OTOG: variants seen among roughly 807,000 people sequenced by gnomAD.
The protein encoded by OTOG is otogelin.
A neutral mutation model predicts 313.8 loss-of-function variants in OTOG; 296 were observed. The observed-to-expected ratio is 0.94, with a 90% CI of 0.86 to 1.04. The LOEUF is 1.04. Among genes scored for constraint, OTOG ranks in the 50% least tolerant of loss-of-function variants. The probability of loss-of-function intolerance (pLI) is 0.00; values close to 1 mark genes in which losing one functional copy is unlikely to be tolerated. For synonymous variants in OTOG, 1,533 were observed against 1,554.9 expected (o/e 0.99, Z 0.33); for missense variants, 3,948 against 3,840.1 (o/e 1.03, Z -0.74).
intron 19 of OTOG, 86 bp downstream of exon 19, chr11:17,573,376 G>C (rs1302425582): frequency 2.2e-6 from 3 of 1,356,306 alleles, no homozygotes; most frequent in East Asian, 5.1e-5. Flanking sequence ...TCTCCACTGG[G>C]ATGCCCTCCA....
At chr11:17,562,111 A>G (rs1290511689) in intron 15 of OTOG, among the ~76,000 whole-genome samples, 2 of 147,906 alleles carry the variant, frequency 1.4e-5, no homozygotes, top group Admixed American at 1.4e-4. Context: ...CCTACTTTTA[A>G]ATCCATTAAT....
intron 18 of OTOG, 149 bp downstream of exon 18, chr11:17,572,353 A>G (rs751755207): frequency 2.3e-5 from 27 of 1,153,254 alleles, no homozygotes; most frequent in Admixed American, 5.2e-5. Flanking sequence ...AGGGGAAAGG[A>G]GAGACAGTGA....
Position 17,605,958 on chromosome 11 carries a change from A to G in OTOG, c.3979A>G (p.Thr1327Ala), listed in dbSNP as rs1853375076. ...GCTGGCTAAGTGGCAGGGCCGTGAC[A>G]CCTTCCAACAGCATGCCTCCTTCTT... Reference protein sequence around the residue: ...LELAKWQGRDTFQQHASFLLH... With the variant: ...LELAKWQGRDAFQQHASFLLH... The change falls in exon 33 of 56, where the codon ACC becomes GCC. Residue 1327 changes from threonine (T) to alanine (A), a missense_variant. Transcript: ENST00000399397. 1.9e-6 allele frequency: 3 copies of G among 1,550,564 alleles called. No individual in the cohort carries two copies. Among genetic ancestry groups the G allele is most frequent in the Non-Finnish European group, 2.6e-6 (3 of 1,146,966 alleles).
Position 17,612,198 on chromosome 11 carries a change from C to T in OTOG, c.6160C>T (p.Leu2054=), listed in dbSNP as rs1853573063. The change falls in exon 37 of 56, where the codon CTG becomes TTG. Residue 2054 remains leucine (L), a synonymous_variant. Transcript: ENST00000399397. ...AEQDCVRHIC[L]EGQLIRVNQS... ...GCAGGACTGCGTCCGCCACATCTGC[C>T]TGGAGGGCCAGCTGATTCGCGTGAA... The T allele has an allele frequency of 1.3e-6, 2 of 1,549,896 alleles. No individual in the cohort carries two copies. Among genetic ancestry groups the T allele is most frequent in the Non-Finnish European group, 8.7e-7 (1 of 1,147,010 alleles).
chr11:17,614,635 C>T (rs1225981226), intron 39 of OTOG, among the ~76,000 whole-genome samples: 1 of 152,100 alleles, frequency 6.6e-6, no homozygotes, highest in African/African-American at 2.4e-5. Context: ...TGCCCGCTGC[C>T]CCTATAGTTA....
intron 53 of OTOG, 37 bp from the exon 54 acceptor site, chr11:17,643,424 C>G: frequency 7.2e-7 from 1 of 1,397,762 alleles, no homozygotes; most frequent in East Asian, 2.9e-5. Flanking sequence ...ACAGGGGTCT[C>G]CACACCTACC....
Position 17,612,638 on chromosome 11 carries a change from C to T in OTOG, c.6311C>T (p.Pro2104Leu), listed in dbSNP as rs397514607. The change falls in exon 38 of 56, where the codon CCT (proline) becomes CTT (leucine). Residue 2104 changes from proline to leucine, a missense_variant. By Grantham distance (98) the Pro-to-Leu change is moderately conservative. Transcript: ENST00000399397. ...WECACRCSIF[P>L]DLSFVTFDGS... Reference sequence around the variant, plus strand: ...CCCCCAGGCCGGTGCTCAATCTTCCCTGACCTGAGCTTCGTGACCTTCGAT... The same window carrying T: ...CCCCCAGGCCGGTGCTCAATCTTCCTTGACCTGAGCTTCGTGACCTTCGAT... 6.4e-7 allele frequency: 1 copy of T among 1,550,616 alleles called. No homozygotes were observed. Among genetic ancestry groups the T allele is most frequent in the Non-Finnish European group, 8.7e-7 (1 of 1,146,964 alleles).
chr11:17,615,928 A>G (rs1853707775), intron 39 of OTOG, among the ~76,000 whole-genome samples: 1 of 150,718 alleles, frequency 6.6e-6, no homozygotes, highest in African/African-American at 2.4e-5. Context: ...AACTGTCTCA[A>G]AAAAAAAAAT....
intron 23 of OTOG, among the ~76,000 whole-genome samples, chr11:17,578,849 C>T (rs1048986063): frequency 6.6e-6 from 1 of 152,198 alleles, no homozygotes; most frequent in Non-Finnish European, 1.5e-5. Context: ...GTGTCTGGCA[C>T]GCTGGGCACT....
At position 17,641,034 on chromosome 11, in the gene OTOG, C is replaced by G. The variant is rs752920776; in HGVS notation, c.8133C>G (p.Leu2711=). Residue 2711 remains leucine (L), a synonymous_variant, in exon 51 of 56, where the codon CTC becomes CTG. Coordinates refer to ENST00000399397, the MANE Select transcript of OTOG (RefSeq NM_001292063.2). The stretch of plus-strand genomic sequence containing the variant: ...GCTGCACCACCGTGCTCGACCCTCT[C>G]ACCAACTTCTACCAGATCAACACCA... ...TSRCTTVLDP[L]TNFYQINTTS... is the part of the protein sequence containing the mutation. 7.9e-5 allele frequency: 122 copies of G among 1,546,744 alleles called. No homozygotes were observed. Among genetic ancestry groups the G allele is most frequent in the Non-Finnish European group, 1.0e-4 (120 of 1,146,486 alleles).
intron 23 of OTOG, among the ~76,000 whole-genome samples, chr11:17,585,292 A>G (rs1183558319): frequency 6.6e-6 from 1 of 152,230 alleles, no homozygotes; most frequent in Admixed American, 6.5e-5. Flanking sequence ...TTATTCACTT[A>G]ACATCGTACA....
rs142253169 is a variant in OTOG, at chr11:17,569,211, G to A, written c.1700G>A (p.Arg567Gln). 160 of 1,550,582 alleles carry A rather than the reference G, an allele frequency of 1.0e-4. 1 individual carries two copies. In the African/African-American group the frequency reaches 1.5e-3, roughly 15 times the overall value. ...TCAGTGATTCTGCACCAGGACCCTC[G>A]GAGGCAGGTGACCCTGACCCAGGCA... ...SVSVILHQDP[R>Q]RQVTLTQAGD... Residue 567 changes from arginine to glutamine, a missense_variant, in exon 16 of 56, where the codon CGG becomes CAG. Physicochemically the swap from Arg to Gln is conservative, Grantham distance 43. Coordinates refer to ENST00000399397, the MANE Select transcript of OTOG (RefSeq NM_001292063.2).
chr11:17,588,506 T>C (rs11024330), intron 24 of OTOG, among the ~76,000 whole-genome samples: 22,576 of 152,132 alleles, frequency 0.15, 1,827 homozygotes, highest in Non-Finnish European at 0.19. Context: ...TTGTAGGTCA[T>C]GTAGGTGGGT....
chr11:17,587,260 G>A (rs1447505623), intron 24 of OTOG, among the ~76,000 whole-genome samples: 1 of 152,230 alleles, frequency 6.6e-6, no homozygotes, highest in African/African-American at 2.4e-5. Context: ...GGATTCTGTG[G>A]AAACAGACTC....
At chr11:17,612,441 C>G (rs1047174265) in intron 37 of OTOG, 111 bp downstream of exon 37, 63 of 1,417,408 alleles carry the variant, frequency 4.4e-5, no homozygotes, top group Admixed American at 2.7e-4. Context: ...GGACCCCGAC[C>G]TGGCAGATTT....
chr11:17,578,349 C>A (rs913505556), intron 22 of OTOG, 24 bp from the exon 23 acceptor site: 1 of 1,470,274 alleles, frequency 6.8e-7, no homozygotes, highest in Non-Finnish European at 9.0e-7. Context: ...CCAGGGCCTC[C>A]GCTCCCATCT....
Position 17,610,408 on chromosome 11 carries a change from C to T in OTOG, c.5108C>T (p.Ala1703Val). 6.4e-7 allele frequency: 1 copy of T among 1,550,520 alleles called. No individual in the cohort carries two copies. The highest frequency in any genetic ancestry group is 8.7e-7 in the Non-Finnish European group (1 of 1,146,930). ...ACCCCTCTAACTGTGGCTGGAACAG[C>T]AGCAGAACAGGTTCCTGTCAGTCCC... ...PSTPLTVAGT[A>V]AEQVPVSPLA... The change falls in exon 36 of 56, where the codon GCA becomes GTA. Residue 1703 changes from alanine (A) to valine (V), a missense_variant. Physicochemically the swap from Ala to Val is moderately conservative, Grantham distance 64. Coordinates refer to ENST00000399397, the MANE Select transcript of OTOG (RefSeq NM_001292063.2).
Position 17,604,665 on chromosome 11 carries a change from G to A in OTOG, c.3878-1192G>A, listed in dbSNP as rs76380219. Among the ~76,000 whole-genome samples, 1,007 of 152,332 alleles carry A rather than the reference G, an allele frequency of 6.6e-3. 40 individuals are homozygous for A. In the East Asian group the frequency reaches 0.11, roughly 16 times the overall value. On this transcript the variant is annotated intron_variant, in intron 32 of 55. Transcript: ENST00000399397. ...CAGCCCCCAGGATGGTGAGCTCCAT[G>A]AGGGCAAGAATTTTCATCATTTTGC...
At position 17,599,850 on chromosome 11, in the gene OTOG, G is replaced by T. The variant is rs184978110; in HGVS notation, c.3709+153G>T. Among the ~76,000 whole-genome samples, 82 of 152,324 alleles carry T rather than the reference G, an allele frequency of 5.4e-4. No homozygotes were observed. In the East Asian group the frequency reaches 0.014, roughly 26 times the overall value. ...GCCCCCATCATGCAGAGAGAGCCCT[G>T]ACAGTGAAGGGCCCAGGGGTGTCCT... On this transcript the variant is annotated intron_variant, in intron 31 of 55. Transcript: ENST00000399397.
Sources: allele counts gnomAD v4.1 joint callset (sites outside exome capture counted in the v4.1 genomes callset), GRCh38; gene constraint gnomAD v4.1.1; transcripts MANE v1.5; gene names NCBI Gene and HGNC (gene_info 2026-07-23, HGNC 2026-07-21).